Variants in GPC5 observed in about 807,000 individuals in gnomAD.
GPC5 encodes the protein glypican 5.
A neutral mutation model predicts 53.9 loss-of-function variants in GPC5; 47 were observed. The ratio of observed to expected loss-of-function variants is 0.87; its 90% CI spans 0.69 to 1.11. The LOEUF is 1.11. Among genes scored for constraint, GPC5 ranks in the 50% most tolerant of loss-of-function variants. GPC5 has a pLI of 0.00. For missense variants in GPC5, 748 were observed against 713.1 expected, an observed-to-expected ratio of 1.05 and a Z score of -0.56; for synonymous variants, 286 against 263.3, an observed-to-expected ratio of 1.09 and a Z score of -0.84.
intron 7 of GPC5, among the ~76,000 whole-genome samples, chr13:92,390,379 T>C (rs1317211675): frequency 6.6e-6 from 1 of 152,142 alleles, no homozygotes; most frequent in Admixed American, 6.6e-5. Context: ...TGCAGGGTAT[T>C]GATCCACTAA....
rs561558286 is a variant in GPC5, at chr13:92,748,565, C to A, written c.1562-117717C>A. Reference sequence around the variant, plus strand: ...CTTGAACTCCTGACCTTGTGATCCACCTGCCTCGGCCTCCCAAAGTGCTGG... The same window carrying A: ...CTTGAACTCCTGACCTTGTGATCCAACTGCCTCGGCCTCCCAAAGTGCTGG... On this transcript the variant is annotated intron_variant, in intron 7 of 7. Transcript: ENST00000377067. Among the ~76,000 whole-genome samples the A allele has an allele frequency of 6.6e-5, 10 of 152,018 alleles. No individual in the cohort carries two copies. In the East Asian group the frequency reaches 1.7e-3, roughly 27 times the overall value.
intron 7 of GPC5, among the ~76,000 whole-genome samples, chr13:92,193,474 TTCCTATATTGGATAATAGATGAGAGAA>T (rs1365086104): frequency 2.0e-5 from 3 of 152,190 alleles, no homozygotes; most frequent in Non-Finnish European, 4.4e-5. Flanking sequence ...CCCAGAGAGT[TTCCTATATTGGATAATAGATGAGAGAA>T]TCCTATATTG....
chr13:92,337,251 C>G (rs1365683618), intron 7 of GPC5, among the ~76,000 whole-genome samples: 1 of 150,076 alleles, frequency 6.7e-6, no homozygotes, highest in Non-Finnish European at 1.5e-5. Flanking sequence ...TCTTCAAGAT[C>G]TATCTGAGGA....
chr13:92,801,552 A>AT (rs909567999), intron 7 of GPC5, among the ~76,000 whole-genome samples: 1 of 151,474 alleles, frequency 6.6e-6, no homozygotes, highest in East Asian at 1.9e-4. Context: ...TACTCCTTCA[A>AT]TTTTTTTTAA....
intron 7 of GPC5, among the ~76,000 whole-genome samples, chr13:92,517,588 T>C (rs963094784): frequency 1.3e-5 from 2 of 152,184 alleles, no homozygotes; most frequent in Non-Finnish European, 2.9e-5. Flanking sequence ...AGTGGACCTC[T>C]GGCAAACTCC....
chr13:91,693,788 A>C lies in GPC5; in HGVS notation c.927A>C (p.Thr309=). The change falls in exon 3 of 8, where the codon ACA becomes ACC. Residue 309 remains threonine, a synonymous_variant. Transcript: ENST00000377067. ...AACTCTCGGATGCAATGCATGGAAC[A>C]TACGACATTGGACACGTGCTGCTGA... ...LEELSDAMHG[T]YDIGHVLLNF... The C allele has an allele frequency of 6.2e-7, 1 of 1,614,096 alleles. No homozygotes were observed.
chr13:92,744,805 A>C (rs961213043), intron 7 of GPC5, among the ~76,000 whole-genome samples: 4 of 152,024 alleles, frequency 2.6e-5, no homozygotes, highest in African/African-American at 4.8e-5. Context: ...AGTTAGATGA[A>C]AATATAGTGT....
At chr13:92,192,487 A>G (rs1161304454) in intron 7 of GPC5, among the ~76,000 whole-genome samples, 1 of 152,206 alleles carries the variant, frequency 6.6e-6, no homozygotes, top group Non-Finnish European at 1.5e-5. Flanking sequence ...GTAAAAATAA[A>G]TGCGTGATAA....
intron 5 of GPC5, among the ~76,000 whole-genome samples, chr13:91,758,648 C>G (rs1323758206): frequency 6.6e-6 from 1 of 152,120 alleles, no homozygotes. Flanking sequence ...TGAAAAAGCA[C>G]AGAGTTAGCA....
At chr13:91,917,874 T>C (rs2039675250) in intron 6 of GPC5, among the ~76,000 whole-genome samples, 1 of 152,176 alleles carries the variant, frequency 6.6e-6, no homozygotes, top group Non-Finnish European at 1.5e-5. Context: ...TCATCTGTCT[T>C]CTTCTGAGCC....
chr13:92,129,134 C>A (rs1479576928), intron 6 of GPC5, among the ~76,000 whole-genome samples: 2 of 152,170 alleles, frequency 1.3e-5, no homozygotes, highest in Non-Finnish European at 1.5e-5. Flanking sequence ...AAGCTCAATA[C>A]CCCTGAAATT....
At chr13:92,455,696 C>G (rs1002768951) in intron 7 of GPC5, among the ~76,000 whole-genome samples, 1 of 152,148 alleles carries the variant, frequency 6.6e-6, no homozygotes, top group East Asian at 1.9e-4. Flanking sequence ...ACTTTTACTT[C>G]TGAAACTGTA....
intron 5 of GPC5, among the ~76,000 whole-genome samples, chr13:91,802,118 G>T (rs2038145921): frequency 6.6e-6 from 1 of 152,192 alleles, no homozygotes; most frequent in Admixed American, 6.5e-5. Flanking sequence ...GTTCCTTCTG[G>T]TGGGTTCTTG....
intron 7 of GPC5, among the ~76,000 whole-genome samples, chr13:92,756,805 C>G (rs1426154363): frequency 2.0e-5 from 3 of 150,270 alleles, no homozygotes; most frequent in Non-Finnish European, 4.4e-5. Context: ...AGGAGAACTA[C>G]AAATCACTGC....
chr13:91,405,755 T>C (rs1877277200), intron 1 of GPC5, among the ~76,000 whole-genome samples: 1 of 152,140 alleles, frequency 6.6e-6, no homozygotes, highest in Non-Finnish European at 1.5e-5. Flanking sequence ...TGGTTTAATG[T>C]TCTCTTGTCA....
intron 7 of GPC5, among the ~76,000 whole-genome samples, chr13:92,194,005 T>G (rs906846354): frequency 1.3e-5 from 2 of 152,208 alleles, no homozygotes; most frequent in Non-Finnish European, 1.5e-5. Flanking sequence ...ACTCAGTGCC[T>G]GGCCAATAGC....
chr13:92,557,170 G>C (rs902905261), intron 7 of GPC5, among the ~76,000 whole-genome samples: 2 of 151,768 alleles, frequency 1.3e-5, no homozygotes, highest in Admixed American at 1.3e-4. Flanking sequence ...GATGGACCGA[G>C]TCTGTCTTTT....
intron 6 of GPC5, among the ~76,000 whole-genome samples, chr13:92,141,383 C>T (rs1356583252): frequency 6.6e-6 from 1 of 152,022 alleles, no homozygotes. Context: ...ATTTCTTGCT[C>T]AGAGACTTGG....
At chr13:92,457,560 G>A (rs1037346682) in intron 7 of GPC5, among the ~76,000 whole-genome samples, 1 of 152,014 alleles carries the variant, frequency 6.6e-6, no homozygotes, top group African/African-American at 2.4e-5. Context: ...GCTACCCCAG[G>A]CTCACAGGTT....
Sources: allele counts gnomAD v4.1 joint callset (sites outside exome capture counted in the v4.1 genomes callset), GRCh38; gene constraint gnomAD v4.1.1; transcripts MANE v1.5; gene names NCBI Gene and HGNC (gene_info 2026-07-23, HGNC 2026-07-21).